MROH1: variants seen among roughly 807,000 people sequenced by gnomAD.
The protein encoded by MROH1 is maestro heat-like repeat-containing protein family member 1.
Under a neutral mutation model 116.5 loss-of-function variants are expected in MROH1, and 117 were observed. The ratio of observed to expected loss-of-function variants is 1.00; its 90% CI spans 0.86 to 1.17. MROH1 has a LOEUF of 1.17. Ranked by LOEUF, MROH1 falls within the 50% of genes most tolerant of loss-of-function variation. The pLI is 0.00. For missense variants in MROH1, 1,873 were observed against 1,338.5 expected, an observed-to-expected ratio of 1.40 and a Z score of -6.23; for synonymous variants, 921 against 583.9, an observed-to-expected ratio of 1.58 and a Z score of -8.32.
At chr8:144,165,579 TTG>T in intron 3 of MROH1, among the ~76,000 whole-genome samples, 1 of 152,116 alleles carries the variant, frequency 6.6e-6, no homozygotes, top group South Asian at 2.1e-4. Flanking sequence ...TCAATCTTTT[TTG>T]TGTGTGTTTT....
intron 24 of MROH1, 90 bp downstream of exon 24, chr8:144,242,718 G>C (rs1054497114): frequency 4.1e-5 from 30 of 723,980 alleles, no homozygotes; most frequent in Non-Finnish European, 4.9e-5. Flanking sequence ...GAGGCCGGAG[G>C]GGGAGCTTGG....
intron 10 of MROH1, chr8:144,192,656 T>C (rs565465129): frequency 3.0e-6 from 2 of 666,574 alleles, no homozygotes; most frequent in South Asian, 3.1e-5. Context: ...CCAGGCCCAG[T>C]GCAGGCCCAG....
At chr8:144,223,906 T>C (rs6992917) in intron 14 of MROH1, among the ~76,000 whole-genome samples, 150,659 of 152,344 alleles carry the variant, frequency 0.99, 74,515 homozygotes, top group East Asian at 1. Context: ...CCACTGTGCC[T>C]CAAGTGGGAT....
chr8:144,155,472 A>G (rs2130642040), intron 1 of MROH1, among the ~76,000 whole-genome samples: 2 of 152,218 alleles, frequency 1.3e-5, no homozygotes, highest in Admixed American at 6.5e-5. Flanking sequence ...ATATCTCTAG[A>G]CTACGTTTGT....
chr8:144,241,307 G>A, intron 21 of MROH1, 88 bp from the exon 22 acceptor site: 1 of 709,322 alleles, frequency 1.4e-6, no homozygotes, highest in Non-Finnish European at 2.6e-6. Context: ...TGTACATGTG[G>A]GTGTGCCCGT....
At chr8:144,193,550 G>A (rs1055659590) in intron 10 of MROH1, among the ~76,000 whole-genome samples, 20 of 152,186 alleles carry the variant, frequency 1.3e-4, no homozygotes, top group Admixed American at 1.2e-3. Context: ...TTTGCATAAA[G>A]TAGCAGGTTA....
At chr8:144,162,454 G>A (rs1369580063) in intron 2 of MROH1, among the ~76,000 whole-genome samples, 1 of 150,546 alleles carries the variant, frequency 6.6e-6, no homozygotes, top group Non-Finnish European at 1.5e-5. Context: ...GTAGTGCAGT[G>A]GTGCAATCTC....
chr8:144,180,418 C>T lies in MROH1; in HGVS notation c.464-7C>T. On this transcript the variant is annotated splice_region_variant and splice_polypyrimidine_tract_variant and intron_variant, in intron 6 of 43. Transcript: ENST00000326134. The surrounding 1 kb of genome is among the most constrained non-coding windows in gnomAD (Gnocchi z 7.4). ...GCGGAGGCCTTTGACGGTGTCCTCT[C>T]TCACAGCGTTCGGCGTAGTCCCCTT... The T allele has an allele frequency of 6.2e-7, 1 of 1,613,020 alleles. No individual in the cohort carries two copies. The highest frequency in any genetic ancestry group is 1.3e-5 in the African/African-American group (1 of 75,040).
chr8:144,243,495 A>T lies in MROH1; in HGVS notation c.2354A>T (p.Asp785Val). The change falls in exon 25 of 44, where the codon GAC (aspartate) becomes GTC (valine). Residue 785 changes from aspartate to valine, a missense_variant and splice_region_variant. Asp to Val is a radical substitution (Grantham distance 152). Transcript: ENST00000326134. ...KVLGIKVETK[D>V]PALKLCLVQS... ...TCCTGTAGCCCTGCGTCCCTGCAGG[A>T]CCCAGCCCTGAAGCTGTGCCTTGTC... The T allele has an allele frequency of 3.8e-6, 3 of 779,506 alleles. No homozygotes were observed. In the South Asian group the frequency reaches 4.0e-5, roughly 10 times the overall value. The allele number at this position is 779,506 out of a possible 1,614,324, so 48.3% of individuals were successfully genotyped here.
At chr8:144,162,084 CTTTT>C (rs1179685748) in intron 2 of MROH1, among the ~76,000 whole-genome samples, 1 of 136,124 alleles carries the variant, frequency 7.3e-6, no homozygotes, top group African/African-American at 2.7e-5. Context: ...TTTTTCTTTT[CTTTT>C]TTTTTTTTTT....
intron 14 of MROH1, among the ~76,000 whole-genome samples, chr8:144,232,829 T>C (rs965448945): frequency 3.6e-5 from 5 of 140,054 alleles, no homozygotes; most frequent in Admixed American, 2.9e-4. Context: ...TTTATTTATT[T>C]ATTTATTTAT....
chr8:144,225,002 CCTAA>C (rs1281369367), intron 14 of MROH1, among the ~76,000 whole-genome samples: 1 of 152,084 alleles, frequency 6.6e-6, no homozygotes, highest in African/African-American at 2.4e-5. Context: ...TATTACCACA[CCTAA>C]CTTTCTTTTT....
intron 7 of MROH1, among the ~76,000 whole-genome samples, chr8:144,181,306 G>GGGGGGGCCCGGT (rs1825626472): frequency 6.6e-6 from 1 of 151,396 alleles, no homozygotes; most frequent in African/African-American, 2.4e-5. Context: ...CGGTGATGGG[G>GGGGGGGCCCGGT]GAGGGGCCGG....
rs13255258 is a variant in MROH1, at chr8:144,210,708, C to A, written c.1142-9892C>A. 1.9e-3 allele frequency among the ~76,000 whole-genome samples: 289 copies of A among 151,332 alleles called. 1 individual carries two copies. The highest frequency in any genetic ancestry group is 6.5e-3 in the African/African-American group (269 of 41,282). On this transcript the variant is annotated intron_variant, in intron 12 of 43. Coordinates refer to ENST00000326134, the MANE Select transcript of MROH1 (RefSeq NM_032450.3). ...TGTCTCTCTCTCTCTCTCTATCTCTCTATATATATATACATTCAAATTTAT... is the reference window on the plus strand; with the variant it reads ...TGTCTCTCTCTCTCTCTCTATCTCTATATATATATATACATTCAAATTTAT...
rs548677287 is a variant in MROH1 at position 144,234,225 on chromosome 8, G to C, written c.1339-4531G>C. Among the ~76,000 whole-genome samples, 706 of 152,118 alleles carry C rather than the reference G, an allele frequency of 4.6e-3. 3 individuals are homozygous for C. The highest frequency in any genetic ancestry group is 0.016 in the African/African-American group (679 of 41,512). On this transcript the variant is annotated intron_variant, in intron 14 of 43. Coordinates refer to ENST00000326134, the MANE Select transcript of MROH1 (RefSeq NM_032450.3). ...GGGGTTTCACCGTGTTAGCCAGGAC[G>C]GTCTCGATCTCCTGACCTCGTGATC...
At chr8:144,178,419 A>G (rs928636164) in intron 4 of MROH1, among the ~76,000 whole-genome samples, 10 of 144,464 alleles carry the variant, frequency 6.9e-5, no homozygotes, top group African/African-American at 2.6e-4. Flanking sequence ...GGCGTGAGCC[A>G]CCACGCACGG....
In MROH1 at chr8:144,167,402, G is replaced by T. The variant is rs34741365; in HGVS notation, c.23-893G>T. On this transcript the variant is annotated intron_variant, in intron 3 of 43. Coordinates refer to ENST00000326134, the MANE Select transcript of MROH1 (RefSeq NM_032450.3). The stretch of plus-strand genomic sequence containing the variant: ...GAGTGGCCGGTTGTGGGGTGGAGTG[G>T]CCGGTTGTTGGGGTGGAGTGGCCGG... Among the ~76,000 whole-genome samples the T allele has an allele frequency of 7.2e-3, 953 of 132,944 alleles. 70 individuals carry two copies. The East Asian group carries it at 0.095, about 13-fold the overall frequency. The allele number at this position is 132,944 out of a possible 152,430, so 87.2% of individuals were successfully genotyped here.
At chr8:144,239,386 G>A (rs1424719891) in intron 17 of MROH1, 23 bp downstream of exon 17, 19 of 780,266 alleles carry the variant, frequency 2.4e-5, no homozygotes, top group Middle Eastern at 2.3e-4. Flanking sequence ...CTTTCACAGC[G>A]TGCCCAGCGC....
At chr8:144,192,734 T>C in intron 10 of MROH1, 1 of 473,380 alleles carries the variant, frequency 2.1e-6, no homozygotes, top group Non-Finnish European at 4.0e-6. Flanking sequence ...CCTGAGTTTC[T>C]GGGGACTGAG....
Sources: gnomAD v4.1 joint callset for allele counts (sites outside exome capture counted in the v4.1 genomes callset) on GRCh38, gnomAD v4.1.1 for gene constraint, Gnocchi (gnomAD v3.1) non-coding constraint, MANE v1.5 for transcripts, NCBI Gene and HGNC (gene_info 2026-07-23, HGNC 2026-07-21) for gene names.